SLC4A8: variants seen among roughly 807,000 people sequenced by gnomAD.
SLC4A8 encodes the protein electroneutral sodium bicarbonate exchanger 1.
SLC4A8 carries 40 observed loss-of-function variants against 125.0 expected under a neutral mutation model. That is an observed-to-expected ratio of 0.32 (90% CI 0.25 to 0.42). The LOEUF (loss-of-function observed/expected upper bound fraction) is 0.42, where lower values mean the gene tolerates loss of function less well. Ranked by LOEUF, SLC4A8 falls within the 10% of genes least tolerant of loss-of-function variation. The pLI, the probability that SLC4A8 is intolerant of heterozygous loss-of-function variation, is 1.00. For missense variants in SLC4A8, 863 were observed against 1,355.1 expected, an observed-to-expected ratio of 0.64 and a Z score of 5.70; for synonymous variants, 456 against 476.0, an observed-to-expected ratio of 0.96 and a Z score of 0.55.
rs757593207 is a variant in SLC4A8, at chr12:51,463,726, G to A, written c.1349+12G>A. ...CAGCGCACTGGGCGGTAAGTCCTGG[G>A]ACGTTTCACAGCGATGCTGCTTATT... On this transcript the variant is annotated intron_variant, in intron 11 of 24. Coordinates refer to ENST00000453097, the MANE Select transcript of SLC4A8 (RefSeq NM_001039960.3). 1 of 1,585,776 alleles carries A rather than the reference G, an allele frequency of 6.3e-7. No homozygotes were observed. Among genetic ancestry groups the A allele is most frequent in the Non-Finnish European group, 8.7e-7 (1 of 1,154,950 alleles).
chr12:51,398,477 T>C (rs1948308506), intron 1 of SLC4A8, among the ~76,000 whole-genome samples: 1 of 152,228 alleles, frequency 6.6e-6, no homozygotes, highest in South Asian at 2.1e-4. Context: ...ATTTCACAAC[T>C]GCAATGAATA....
chr12:51,427,085 C>T (rs562279340), intron 1 of SLC4A8, among the ~76,000 whole-genome samples: 1 of 151,960 alleles, frequency 6.6e-6, no homozygotes, highest in East Asian at 1.9e-4. Flanking sequence ...ACTACAGGCG[C>T]CTTCCACCAC....
chr12:51,468,583 C>A (rs965655529), intron 11 of SLC4A8, among the ~76,000 whole-genome samples: 2 of 152,074 alleles, frequency 1.3e-5, no homozygotes, highest in Non-Finnish European at 2.9e-5. Context: ...CACGGTGAAA[C>A]CCCGACTCTA....
chr12:51,461,649 T>TG (rs1227734637), intron 9 of SLC4A8: 1 of 222,388 alleles, frequency 4.5e-6, no homozygotes. Context: ...ACCTCACTCC[T>TG]GTTCCACTAA....
At chr12:51,431,268 T>G (rs950197736) in intron 1 of SLC4A8, among the ~76,000 whole-genome samples, 4 of 152,270 alleles carry the variant, frequency 2.6e-5, no homozygotes, top group African/African-American at 9.6e-5. Context: ...TAATTTAGGA[T>G]GATCTCCTTA....
chr12:51,406,022 G>A (rs565127992), intron 1 of SLC4A8, among the ~76,000 whole-genome samples: 3 of 152,206 alleles, frequency 2.0e-5, no homozygotes, highest in Non-Finnish European at 2.9e-5. Flanking sequence ...AGATATATAA[G>A]ACAAACACAC....
chr12:51,415,985 C>T (rs1948677610), intron 1 of SLC4A8, among the ~76,000 whole-genome samples: 1 of 151,822 alleles, frequency 6.6e-6, no homozygotes, highest in South Asian at 2.1e-4. Flanking sequence ...ATCACTATTA[C>T]CAAAAGGTAA....
intron 3 of SLC4A8, among the ~76,000 whole-genome samples, chr12:51,451,575 C>T (rs1949973789): frequency 6.6e-6 from 1 of 151,802 alleles, no homozygotes; most frequent in Admixed American, 6.6e-5. Flanking sequence ...GCCTGTCTGC[C>T]TGCAAACACA....
At chr12:51,392,327 A>G (rs1468897074) in intron 1 of SLC4A8, among the ~76,000 whole-genome samples, 2 of 152,090 alleles carry the variant, frequency 1.3e-5, no homozygotes, top group African/African-American at 4.8e-5. Flanking sequence ...TAATCCCAGT[A>G]CTTTGGGAGG....
At position 51,507,516 on chromosome 12, in the gene SLC4A8, C is replaced by G. The variant is rs1938222819; in HGVS notation, c.*78C>G. Reference sequence around the variant, plus strand: ...TGGTTACAGAGAAAATGGCGAGTCTCTCAGAGAAGAAGCAAGACCAAGTCT... The same window carrying G: ...TGGTTACAGAGAAAATGGCGAGTCTGTCAGAGAAGAAGCAAGACCAAGTCT... On this transcript the variant is annotated 3_prime_UTR_variant, in exon 25 of 25. Coordinates refer to ENST00000453097, the MANE Select transcript of SLC4A8 (RefSeq NM_001039960.3). 9.2e-7 allele frequency: 1 copy of G among 1,085,534 alleles called. No individual in the cohort carries two copies. The highest frequency in any genetic ancestry group is 2.8e-5 in the East Asian group (1 of 35,562). 67.2% of individuals were successfully genotyped at this position (1,085,534 alleles called of 1,614,324 possible). A position where few individuals can be genotyped will look rare whatever the true frequency, so the allele number is the denominator to read the frequency against.
At chr12:51,438,980 A>AGGAT (rs1470648654) in intron 1 of SLC4A8, among the ~76,000 whole-genome samples, 1 of 152,188 alleles carries the variant, frequency 6.6e-6, no homozygotes, top group African/African-American at 2.4e-5. Context: ...CTGTTATGTG[A>AGGAT]AAAGTCTGTG....
Position 51,450,958 on chromosome 12 carries a change from C to G in SLC4A8, c.213C>G (p.His71Gln). Residue 71 changes from histidine (H) to glutamine (Q), a missense_variant, in exon 3 of 25, where the codon CAC becomes CAG. His to Gln is a conservative substitution (Grantham distance 24). Coordinates refer to ENST00000453097, the MANE Select transcript of SLC4A8 (RefSeq NM_001039960.3). ...HRHHRTHGQK[H>Q]RRRGRGKGAS... ...ATCACCGCACTCATGGCCAGAAGCA[C>G]CGGAGACGAGGGCGGGGCAAAGGAG... The G allele has an allele frequency of 6.2e-7, 1 of 1,600,688 alleles. No homozygotes were observed.
chr12:51,403,289 T>G (rs1948427664), intron 1 of SLC4A8: 1 of 454,324 alleles, frequency 2.2e-6, no homozygotes, highest in African/African-American at 2.0e-5. Flanking sequence ...GGAGCCAACA[T>G]GTGAGTTTCT....
intron 2 of SLC4A8, among the ~76,000 whole-genome samples, chr12:51,447,329 C>G (rs1214683384): frequency 6.6e-6 from 1 of 151,970 alleles, no homozygotes; most frequent in Non-Finnish European, 1.5e-5. Flanking sequence ...TGGCCTTAAA[C>G]AGTCTTCCTG....
In SLC4A8 at chr12:51,455,235, C is replaced by T. The variant is rs1421568207; in HGVS notation, c.574+1536C>T. ...TACACAGACACAGTAACAATCTGATCTCTCTTGCTTTTCCCCACAGTGAGA... is the reference window on the plus strand; with the variant it reads ...TACACAGACACAGTAACAATCTGATTTCTCTTGCTTTTCCCCACAGTGAGA... On this transcript the variant is annotated intron_variant, in intron 5 of 24. Coordinates refer to ENST00000453097, the MANE Select transcript of SLC4A8 (RefSeq NM_001039960.3). 5.3e-5 allele frequency among the ~76,000 whole-genome samples: 8 copies of T among 150,798 alleles called. No homozygotes were observed. In the South Asian group the frequency reaches 1.3e-3, roughly 24 times the overall value.
At chr12:51,458,427 C>T in intron 6 of SLC4A8, 132 bp from the exon 7 acceptor site, 1 of 654,128 alleles carries the variant, frequency 1.5e-6, no homozygotes, top group Non-Finnish European at 2.7e-6. Flanking sequence ...TGGGTCTTGA[C>T]TTCGTAGTCA....
At chr12:51,503,964 G>T (rs1938051684) in intron 22 of SLC4A8, 65 bp from the exon 23 acceptor site, 1 of 827,346 alleles carries the variant, frequency 1.2e-6, no homozygotes, top group African/African-American at 1.7e-5. Flanking sequence ...TGTGGTAGAA[G>T]AATGGGCTGG....
intron 6 of SLC4A8, 48 bp from the exon 7 acceptor site, chr12:51,458,511 G>T (rs1383497076): frequency 7.4e-7 from 1 of 1,348,032 alleles, no homozygotes; most frequent in South Asian, 1.2e-5. Flanking sequence ...TGTGTCAGAA[G>T]GGGAAAAGGG....
rs1314836470 is a variant in SLC4A8 at position 51,509,781 on chromosome 12, G to C, written c.*2343G>C. On this transcript the variant is annotated 3_prime_UTR_variant, in exon 25 of 25. Transcript: ENST00000453097. ...ACCTGTGCACTTTAGGGTACTTCTC[G>C]AGCTAGACCCTCCTGGATCACTGCG... The C allele has an allele frequency of 2.0e-5, 3 of 152,140 alleles. No individual in the cohort carries two copies. The highest frequency in any genetic ancestry group is 4.1e-4 in the South Asian group (2 of 4,820). 9.4% of individuals were successfully genotyped at this position (152,140 alleles called of 1,614,324 possible).
Sources: allele counts gnomAD v4.1 joint callset (sites outside exome capture counted in the v4.1 genomes callset), GRCh38; gene constraint gnomAD v4.1.1; transcripts MANE v1.5; gene names NCBI Gene and HGNC (gene_info 2026-07-23, HGNC 2026-07-21).